GALNT14: variants seen among roughly 807,000 people sequenced by gnomAD.
GALNT14 encodes the protein polypeptide N-acetylgalactosaminyltransferase 14.
A neutral mutation model predicts 77.5 loss-of-function variants in GALNT14; 60 were observed. The ratio of observed to expected loss-of-function variants is 0.77; its 90% CI spans 0.63 to 0.96. GALNT14 has a LOEUF of 0.96. Ranked by LOEUF, GALNT14 falls within the 40% of genes least tolerant of loss-of-function variation. The probability of loss-of-function intolerance (pLI) is 0.00; values close to 1 mark genes in which losing one functional copy is unlikely to be tolerated. For missense variants in GALNT14, 710 were observed against 731.0 expected (o/e 0.97, Z 0.33); for synonymous variants, 280 against 281.7 (o/e 0.99, Z 0.06).
chr2:31,111,898 C>T (rs1396270370), intron 1 of GALNT14, among the ~76,000 whole-genome samples: 1 of 151,870 alleles, frequency 6.6e-6, no homozygotes, highest in Non-Finnish European at 1.5e-5. Flanking sequence ...TTTAAATAGG[C>T]CATCAGAAGT....
intron 13 of GALNT14, among the ~76,000 whole-genome samples, chr2:30,921,576 G>A (rs1665032173): frequency 6.6e-6 from 1 of 152,198 alleles, no homozygotes. Context: ...GATGCCTCAA[G>A]TACCAAGGCC....
chr2:31,101,598 C>A (rs2148614035), intron 1 of GALNT14, among the ~76,000 whole-genome samples: 1 of 152,130 alleles, frequency 6.6e-6, no homozygotes, highest in Admixed American at 6.5e-5. Context: ...TAGAGCTGAA[C>A]AAAGTAGTCT....
chr2:31,092,605 G>A (rs909432452), intron 1 of GALNT14, among the ~76,000 whole-genome samples: 3 of 152,146 alleles, frequency 2.0e-5, no homozygotes, highest in African/African-American at 7.2e-5. Context: ...CTGTCATGAA[G>A]AAAGGAGATA....
rs1048696828 is a variant in GALNT14 at position 30,912,273 on chromosome 2, G to A, written c.1450C>T (p.Pro484Ser). The A allele has an allele frequency of 6.2e-7, 1 of 1,614,180 alleles. No homozygotes were observed. Among genetic ancestry groups the A allele is most frequent in the Non-Finnish European group, 8.5e-7 (1 of 1,180,022 alleles). Residue 484 changes from proline (P) to serine (S), a missense_variant, in exon 14 of 15, where the codon CCT (proline) becomes TCT (serine). Transcript: ENST00000349752. Reference sequence around the variant, plus strand: ...AGGACAAGAACCACTGGGGCGCCAGGGAACAAGGTGATGACTGACAGGCAC... The same window carrying A: ...AGGACAAGAACCACTGGGGCGCCAGAGAACAAGGTGATGACTGACAGGCAC... ...ELCLSVITLF[P>S]GAPVVLVLCK...
chr2:30,931,601 C>T (rs1434341542), intron 10 of GALNT14, among the ~76,000 whole-genome samples: 1 of 152,030 alleles, frequency 6.6e-6, no homozygotes, highest in East Asian at 2.0e-4. Context: ...ACTCTGCTGG[C>T]CAGGCCCTGG....
intron 1 of GALNT14, among the ~76,000 whole-genome samples, chr2:31,098,565 G>C (rs978333362): frequency 1.3e-5 from 2 of 152,130 alleles, no homozygotes; most frequent in Admixed American, 1.3e-4. Flanking sequence ...ACCATTGTTA[G>C]TCTGTTGTAT....
At chr2:30,967,041 G>A (rs1198377042) in intron 2 of GALNT14, among the ~76,000 whole-genome samples, 1 of 152,158 alleles carries the variant, frequency 6.6e-6, no homozygotes, top group African/African-American at 2.4e-5. Flanking sequence ...CTGGGTAAAT[G>A]CTTCCTCCTG....
chr2:31,055,861 C>T (rs572636430), intron 1 of GALNT14, among the ~76,000 whole-genome samples: 2 of 152,336 alleles, frequency 1.3e-5, no homozygotes, highest in South Asian at 2.1e-4. Flanking sequence ...ACAATAGGAC[C>T]TCTAGTTATG....
chr2:31,017,280 T>C (rs1671427715), intron 1 of GALNT14, among the ~76,000 whole-genome samples: 1 of 152,206 alleles, frequency 6.6e-6, no homozygotes, highest in Non-Finnish European at 1.5e-5. Flanking sequence ...CTGCTAGCAG[T>C]GACTGTGGCC....
chr2:30,991,074 T>C (rs951134378), intron 2 of GALNT14: 3 of 150,600 alleles, frequency 2.0e-5, no homozygotes, highest in Non-Finnish European at 2.9e-5. Context: ...TGCCTCTAAA[T>C]GGTAGAAGAA....
chr2:30,914,648 G>T (rs1055240759), intron 13 of GALNT14, among the ~76,000 whole-genome samples: 1 of 152,108 alleles, frequency 6.6e-6, no homozygotes, highest in Non-Finnish European at 1.5e-5. Context: ...AGCCTGAGCC[G>T]CCCCGCCTTT....
chr2:31,113,551 C>T (rs917134215), intron 1 of GALNT14, among the ~76,000 whole-genome samples: 7 of 152,104 alleles, frequency 4.6e-5, no homozygotes, highest in African/African-American at 1.7e-4. Context: ...TCCTCTGTAG[C>T]CTGGAGCTAG....
At chr2:30,904,258 G>A in the GALNT14 span, among the ~76,000 whole-genome samples, 3 of 152,356 alleles carry the variant, frequency 2.0e-5, no homozygotes, top group East Asian at 1.9e-4. Flanking sequence ...CAGCGTGAGC[G>A]ACGCAGAAGA....
intron 1 of GALNT14, among the ~76,000 whole-genome samples, chr2:31,046,131 A>G (rs1467619476): frequency 6.6e-6 from 1 of 152,210 alleles, no homozygotes; most frequent in East Asian, 1.9e-4. Context: ...CACATTTTAC[A>G]TATAAAAAAG....
chr2:31,030,551 G>A (rs1672340882), intron 1 of GALNT14, among the ~76,000 whole-genome samples: 1 of 152,108 alleles, frequency 6.6e-6, no homozygotes, highest in Non-Finnish European at 1.5e-5. Context: ...CAAAAAAGTG[G>A]GTGGCACTTC....
intron 3 of GALNT14, among the ~76,000 whole-genome samples, chr2:30,960,310 C>G (rs979843965): frequency 6.6e-6 from 1 of 152,150 alleles, no homozygotes; most frequent in African/African-American, 2.4e-5. Context: ...AGAATAACCC[C>G]TAATGAGGTT....
At chr2:31,038,335 C>A (rs1203521072) in intron 1 of GALNT14, among the ~76,000 whole-genome samples, 1 of 151,682 alleles carries the variant, frequency 6.6e-6, no homozygotes, top group Non-Finnish European at 1.5e-5. Context: ...CTCCAGTAAT[C>A]CACCTGCCTC....
chr2:30,972,501 A>G (rs550960060), intron 2 of GALNT14, among the ~76,000 whole-genome samples: 1 of 152,288 alleles, frequency 6.6e-6, no homozygotes, highest in South Asian at 2.1e-4. Flanking sequence ...TCACATATTT[A>G]CTGCTCACAG....
chr2:30,935,258 A>G (rs1572993570), intron 9 of GALNT14, among the ~76,000 whole-genome samples: 1 of 152,198 alleles, frequency 6.6e-6, no homozygotes, highest in Non-Finnish European at 1.5e-5. Flanking sequence ...TCCGAAATTC[A>G]TGCTCTTCCC....
Sources: allele counts gnomAD v4.1 joint callset (sites outside exome capture counted in the v4.1 genomes callset), GRCh38; gene constraint gnomAD v4.1.1; transcripts MANE v1.5; gene names NCBI Gene and HGNC (gene_info 2026-07-23, HGNC 2026-07-21).